Variants in GNB5 observed in about 807,000 individuals in gnomAD.
GNB5 encodes the protein guanine nucleotide-binding protein subunit beta-5.
A neutral mutation model predicts 55.3 loss-of-function variants in GNB5; 37 were observed. The ratio of observed to expected loss-of-function variants is 0.67; its 90% CI spans 0.51 to 0.88. The LOEUF is 0.88. Ranked by LOEUF, GNB5 falls within the 40% of genes least tolerant of loss-of-function variation. GNB5 has a pLI of 0.00. For synonymous variants in GNB5, 219 were observed against 198.5 expected, an observed-to-expected ratio of 1.10 and a Z score of -0.87; for missense variants, 476 against 515.3, an observed-to-expected ratio of 0.92 and a Z score of 0.74.
chr15:52,148,060 CA>C (rs386382991), intron 5 of GNB5, among the ~76,000 whole-genome samples: 1,881 of 135,242 alleles, frequency 0.014, 27 homozygotes, highest in African/African-American at 0.046. Context: ...CTAGCAAAAG[CA>C]AAAAAAAAAA....
chr15:52,164,750 A>T (rs1437505502), intron 3 of GNB5, among the ~76,000 whole-genome samples: 1 of 152,194 alleles, frequency 6.6e-6, no homozygotes, highest in Non-Finnish European at 1.5e-5. Flanking sequence ...GCCCACCAAG[A>T]TGAGAAAGAA....
At chr15:52,139,713 C>T in intron 7 of GNB5, 2 of 952,622 alleles carry the variant, frequency 2.1e-6, no homozygotes, top group Non-Finnish European at 2.7e-6. Flanking sequence ...CACCCTTGAC[C>T]TACCCTGCCT....
In GNB5 at chr15:52,122,227, A is replaced by T. The variant is rs766212828; in HGVS notation, c.*530T>A. Reference sequence around the variant, plus strand: ...GGAAGCTGAAAAAGATACTTTTACAATAAAAACACATTCTAAAAAAATGAT... The same window carrying T: ...GGAAGCTGAAAAAGATACTTTTACATTAAAAACACATTCTAAAAAAATGAT... On this transcript the variant is annotated 3_prime_UTR_variant, in exon 13 of 13. Coordinates refer to ENST00000261837, the MANE Select transcript of GNB5 (RefSeq NM_016194.4). 1 of 152,486 alleles carries T rather than the reference A, an allele frequency of 6.6e-6. No individual in the cohort carries two copies. Among genetic ancestry groups the T allele is most frequent in the African/African-American group, 2.4e-5 (1 of 41,468 alleles). 9.4% of individuals were successfully genotyped at this position (152,486 alleles called of 1,614,324 possible).
At chr15:52,128,373 G>A (rs1401881377) in intron 9 of GNB5, 129 bp from the exon 10 acceptor site, 1 of 680,860 alleles carries the variant, frequency 1.5e-6, no homozygotes. Flanking sequence ...GCAGAAGACG[G>A]AAGAGGAAGC....
intron 4 of GNB5, among the ~76,000 whole-genome samples, chr15:52,150,575 C>G (rs558264893): frequency 6.6e-6 from 1 of 152,340 alleles, no homozygotes; most frequent in South Asian, 2.1e-4. Flanking sequence ...ATGCACCCAT[C>G]GTGGTGGGAA....
chr15:52,124,592 C>G lies in GNB5; in HGVS notation c.1057G>C (p.Asp353His). 6.2e-7 allele frequency: 1 copy of G among 1,613,998 alleles called. No individual in the cohort carries two copies. Among genetic ancestry groups the G allele is most frequent in the African/African-American group, 1.3e-5 (1 of 75,050 alleles). Residue 353 changes from aspartate to histidine, a missense_variant, in exon 12 of 13, where the codon GAT becomes CAT. By Grantham distance (81) the Asp-to-His change is moderately conservative. Transcript: ENST00000261837. ...GYNDYTINVW[D>H]VLKGSRVSIL... Reference sequence around the variant, plus strand: ...GAGACCCGGGACCCTTTGAGAACATCCCAGACGTTGATAGTGTAATCATTG... The same window carrying G: ...GAGACCCGGGACCCTTTGAGAACATGCCAGACGTTGATAGTGTAATCATTG...
intron 3 of GNB5, among the ~76,000 whole-genome samples, chr15:52,172,572 G>A (rs2034574214): frequency 6.6e-6 from 1 of 152,018 alleles, no homozygotes; most frequent in Non-Finnish European, 1.5e-5. Flanking sequence ...TTGAGCCCAG[G>A]AGATCAAGAC....
chr15:52,127,519 T>C (rs12904889), intron 10 of GNB5, among the ~76,000 whole-genome samples: 25,266 of 152,090 alleles, frequency 0.17, 2,255 homozygotes, highest in Admixed American at 0.26. Flanking sequence ...TATATTTCCA[T>C]ATATATTTTG....
At chr15:52,152,696 T>A (rs1042765314) in intron 4 of GNB5, among the ~76,000 whole-genome samples, 1 of 150,774 alleles carries the variant, frequency 6.6e-6, no homozygotes, top group East Asian at 2.0e-4. Context: ...AATGGCATAA[T>A]CTCAGCTCAC....
chr15:52,120,552 C>T lies in GNB5; in HGVS notation c.*2205G>A. On this transcript the variant is annotated 3_prime_UTR_variant, in exon 13 of 13. Transcript: ENST00000261837. ...CAAACATGGAACCTGGAATGTGCTT[C>T]CCTGGGCCACCTTTCCTTCCTTTCT... 1 of 152,280 alleles carries T rather than the reference C, an allele frequency of 6.6e-6. No individual in the cohort carries two copies. The highest frequency in any genetic ancestry group is 1.9e-4 in the East Asian group (1 of 5,194). 9.4% of individuals were successfully genotyped at this position (152,280 alleles called of 1,614,324 possible).
chr15:52,146,404 G>C (rs1170532752), intron 6 of GNB5, among the ~76,000 whole-genome samples: 1 of 152,076 alleles, frequency 6.6e-6, no homozygotes, highest in Non-Finnish European at 1.5e-5. Flanking sequence ...CAGGAGAATA[G>C]GGAATAAGGC....
intron 3 of GNB5, among the ~76,000 whole-genome samples, chr15:52,176,547 G>C (rs1258352770): frequency 6.6e-6 from 1 of 152,158 alleles, no homozygotes; most frequent in Non-Finnish European, 1.5e-5. Context: ...GCTGGGGTAA[G>C]GTAAGAGCGG....
At chr15:52,143,572 G>T (rs2033905945) in intron 6 of GNB5, among the ~76,000 whole-genome samples, 1 of 152,098 alleles carries the variant, frequency 6.6e-6, no homozygotes, top group South Asian at 2.1e-4. Flanking sequence ...ACACATTTTT[G>T]GGGGAAAGGG....
At chr15:52,147,189 A>G in intron 6 of GNB5, 1 of 240,848 alleles carries the variant, frequency 4.2e-6, no homozygotes, top group Admixed American at 5.2e-5. Flanking sequence ...TTTTTTAAAG[A>G]GATGGGGTCT....
chr15:52,122,775 A>C lies in GNB5; in HGVS notation c.1177-7T>G, dbSNP rs1293917122. 1.9e-6 allele frequency: 3 copies of C among 1,602,080 alleles called. No individual in the cohort carries two copies. Among genetic ancestry groups the C allele is most frequent in the African/African-American group, 2.7e-5 (2 of 74,718 alleles). On this transcript the variant is annotated splice_polypyrimidine_tract_variant and splice_region_variant and intron_variant, in intron 12 of 12. Transcript: ENST00000261837. ...AAGATGATTAGGCCCAGACCTGTGA[A>C]GACACAAACAGATAGTTTTTAGACC...
chr15:52,125,822 G>T, intron 11 of GNB5, 126 bp downstream of exon 11: 1 of 618,588 alleles, frequency 1.6e-6, no homozygotes, highest in Non-Finnish European at 2.9e-6. Flanking sequence ...TGCAAATATG[G>T]ATGATTTCGC....
At chr15:52,154,336 T>C (rs996001648) in intron 3 of GNB5, among the ~76,000 whole-genome samples, 1 of 152,232 alleles carries the variant, frequency 6.6e-6, no homozygotes, top group African/African-American at 2.4e-5. Flanking sequence ...GTTTTATCTA[T>C]GCATGTTGAG....
Position 52,184,641 on chromosome 15 carries a change from G to C in GNB5, c.36C>G (p.Gly12=), listed in dbSNP as rs769771358. 1.2e-6 allele frequency: 2 copies of C among 1,613,264 alleles called. No individual in the cohort carries two copies. The highest frequency in any genetic ancestry group is 1.7e-6 in the Non-Finnish European group (2 of 1,179,314). The part of the protein sequence containing the change: ...CDQTFLVNVF[G]SCDKCFKQRA... The stretch of plus-strand genomic sequence containing the variant: ...GTTGTTTGAAACATTTGTCACATGA[G>C]CCAAATACATTAACGAGAAAGGTCT... The change falls in exon 2 of 13, where the codon GGC becomes GGG. Residue 12 remains glycine, a synonymous_variant. Coordinates refer to ENST00000261837, the MANE Select transcript of GNB5 (RefSeq NM_016194.4).
At chr15:52,161,144 T>G (rs1226547753) in intron 3 of GNB5, among the ~76,000 whole-genome samples, 1 of 152,182 alleles carries the variant, frequency 6.6e-6, no homozygotes, top group African/African-American at 2.4e-5. Context: ...AAGGACCTCA[T>G]GCACACATAC....
Sources: allele counts gnomAD v4.1 joint callset (sites outside exome capture counted in the v4.1 genomes callset), GRCh38; gene constraint gnomAD v4.1.1; transcripts MANE v1.5; gene names NCBI Gene and HGNC (gene_info 2026-07-23, HGNC 2026-07-21).